The following DMXL1 variants were observed in gnomAD, a reference collection of about 807,000 sequenced individuals.
The protein encoded by DMXL1 is dmX-like protein 1.
In DMXL1, 99 loss-of-function variants were observed where a neutral mutation model predicts 319.2. That is an observed-to-expected ratio of 0.31 (90% CI 0.26 to 0.37). The LOEUF (loss-of-function observed/expected upper bound fraction) is 0.37, where lower values mean the gene tolerates loss of function less well. Ranked by LOEUF, DMXL1 falls within the 10% of genes least tolerant of loss-of-function variation. The pLI is 1.00. For missense variants in DMXL1, 3,745 were observed against 3,595.6 expected (o/e 1.04, Z -1.06); for synonymous variants, 1,385 against 1,235.2 (o/e 1.12, Z -2.54).
At chr5:119,188,274 T>G (rs964668766) in intron 28 of DMXL1, among the ~76,000 whole-genome samples, 2 of 151,988 alleles carry the variant, frequency 1.3e-5, no homozygotes, top group Non-Finnish European at 2.9e-5. Context: ...TTTAATAACA[T>G]AAAAACAAAA....
At chr5:119,102,092 T>G in intron 3 of DMXL1, 86 bp downstream of exon 3, 1 of 809,582 alleles carries the variant, frequency 1.2e-6, no homozygotes, top group South Asian at 1.6e-5. Context: ...ATTGAGTAAA[T>G]CGGTATTACT....
At position 119,238,932 on chromosome 5, in the gene DMXL1, C is replaced by T; in HGVS notation, c.8560-57C>T. 1.9e-6 allele frequency: 3 copies of T among 1,597,646 alleles called. No individual in the cohort carries two copies. The South Asian group carries it at 3.4e-5, about 18-fold the overall frequency. On this transcript the variant is annotated intron_variant, in intron 40 of 43. Transcript: ENST00000539542. ...GATCACTTTTCGAAGAATACATTTA[C>T]CTGGTTATGACATTTTTAGTGAGAG... is the stretch of plus-strand genomic sequence containing the variant.
chr5:119,088,479 G>C (rs1322709997), intron 1 of DMXL1, among the ~76,000 whole-genome samples: 2 of 152,132 alleles, frequency 1.3e-5, no homozygotes, highest in African/African-American at 4.8e-5. Context: ...GTAATTGTGA[G>C]TTTTGCCTTT....
intron 34 of DMXL1, among the ~76,000 whole-genome samples, chr5:119,209,654 C>T (rs1410896412): frequency 6.6e-6 from 1 of 152,124 alleles, no homozygotes; most frequent in African/African-American, 2.4e-5. Flanking sequence ...AGCCTTGCAT[C>T]ACATTCTTAC....
intron 32 of DMXL1, among the ~76,000 whole-genome samples, chr5:119,200,404 C>A (rs185458343): frequency 2.3e-4 from 35 of 152,168 alleles, no homozygotes; most frequent in Admixed American, 1.4e-3. Context: ...CCTTACTTCC[C>A]AGTTCTCTAT....
chr5:119,114,032 G>A (rs1288610501), intron 5 of DMXL1, among the ~76,000 whole-genome samples: 1 of 152,178 alleles, frequency 6.6e-6, no homozygotes, highest in East Asian at 1.9e-4. Flanking sequence ...AAGCTGGTAG[G>A]CTGAATTCCT....
At chr5:119,165,531 TCTC>T (rs1235474213) in intron 21 of DMXL1, among the ~76,000 whole-genome samples, 1 of 152,220 alleles carries the variant, frequency 6.6e-6, no homozygotes, top group Non-Finnish European at 1.5e-5. Context: ...CTTAAGAACT[TCTC>T]ATTATGCTCC....
At chr5:119,101,204 T>C (rs542461647) in intron 2 of DMXL1, among the ~76,000 whole-genome samples, 8 of 152,340 alleles carry the variant, frequency 5.3e-5, no homozygotes, top group Non-Finnish European at 1.0e-4. Flanking sequence ...ACAAGTGATA[T>C]CTATATCCTA....
At chr5:119,210,763 T>G (rs1381028234) in intron 34 of DMXL1, among the ~76,000 whole-genome samples, 1 of 146,930 alleles carries the variant, frequency 6.8e-6, no homozygotes, top group Non-Finnish European at 1.5e-5. Context: ...TTTCGTTTTT[T>G]TTTTTTTTTT....
Position 119,101,975 on chromosome 5 carries a change from C to T in DMXL1, c.254C>T (p.Pro85Leu), listed in dbSNP as rs1250008793. ...SYGNVISIFE[P>L]VNLPKQKKNL... ...GGAAATGTTATCTCCATTTTTGAAC[C>T]AGTTAACCTACCAAAACAAAAGAAA... Residue 85 changes from proline (P) to leucine (L), a missense_variant, in exon 3 of 44, where the codon CCA (proline) becomes CTA (leucine). Physicochemically the swap from Pro to Leu is moderately conservative, Grantham distance 98. Coordinates refer to ENST00000539542, the MANE Select transcript of DMXL1 (RefSeq NM_001290321.3). 6.2e-7 allele frequency: 1 copy of T among 1,604,518 alleles called. No individual in the cohort carries two copies. Among genetic ancestry groups the T allele is most frequent in the Non-Finnish European group, 8.5e-7 (1 of 1,175,830 alleles).
intron 19 of DMXL1, among the ~76,000 whole-genome samples, chr5:119,163,951 A>G (rs543194820): frequency 6.6e-6 from 1 of 152,162 alleles, no homozygotes; most frequent in East Asian, 1.9e-4. Context: ...ACCTCAAGTG[A>G]TCCACCCACC....
Position 119,113,614 on chromosome 5 carries a change from G to T in DMXL1, c.498-861G>T, listed in dbSNP as rs137912481. ...CCTACTTTTCCCACCTTTTCCTGCA[G>T]AAAGTAGAGAGAGTGGAGAGAAGGA... On this transcript the variant is annotated intron_variant, in intron 5 of 43. Coordinates refer to ENST00000539542, the MANE Select transcript of DMXL1 (RefSeq NM_001290321.3). 1.7e-3 allele frequency among the ~76,000 whole-genome samples: 266 copies of T among 152,282 alleles called. 6 individuals carry two copies. The South Asian group carries it at 0.031, about 18-fold the overall frequency.
chr5:119,233,723 C>T (rs551589483), intron 39 of DMXL1, among the ~76,000 whole-genome samples: 38 of 152,230 alleles, frequency 2.5e-4, no homozygotes, highest in Non-Finnish European at 4.9e-4. Flanking sequence ...ATATTACACA[C>T]TTTTTATTAT....
At chr5:119,224,056 C>G (rs1785107889) in intron 37 of DMXL1, among the ~76,000 whole-genome samples, 1 of 152,062 alleles carries the variant, frequency 6.6e-6, no homozygotes, top group South Asian at 2.1e-4. Flanking sequence ...CTTCTTTTCT[C>G]TGGCCTAGTC....
At chr5:119,233,070 C>T (rs977144899) in intron 38 of DMXL1, among the ~76,000 whole-genome samples, 1 of 151,588 alleles carries the variant, frequency 6.6e-6, no homozygotes, top group Non-Finnish European at 1.5e-5. Context: ...GTTAAGACAT[C>T]ATTGAGATAA....
At chr5:119,242,866 A>T (rs1789089581) in intron 42 of DMXL1, among the ~76,000 whole-genome samples, 1 of 152,248 alleles carries the variant, frequency 6.6e-6, no homozygotes, top group Non-Finnish European at 1.5e-5. Context: ...TAGTCTTTTC[A>T]ACAAATAATG....
intron 2 of DMXL1, among the ~76,000 whole-genome samples, chr5:119,099,325 C>G (rs1756718124): frequency 6.6e-6 from 1 of 152,124 alleles, no homozygotes; most frequent in African/African-American, 2.4e-5. Flanking sequence ...ATTCTCCTGC[C>G]TCAGCCTCCC....
intron 27 of DMXL1, 152 bp downstream of exon 27, chr5:119,177,636 G>C (rs919746265): frequency 1.2e-5 from 7 of 608,608 alleles, no homozygotes; most frequent in African/African-American, 9.4e-5. Context: ...CTGAATTACA[G>C]TTACTTAACA....
intron 35 of DMXL1, among the ~76,000 whole-genome samples, chr5:119,219,641 C>T (rs970220319): frequency 2.0e-5 from 3 of 152,036 alleles, no homozygotes; most frequent in Admixed American, 6.5e-5. Flanking sequence ...AATGTCAGCT[C>T]ACTGCAGCCT....
Sources: allele counts gnomAD v4.1 joint callset (sites outside exome capture counted in the v4.1 genomes callset), GRCh38; gene constraint gnomAD v4.1.1; transcripts MANE v1.5; gene names NCBI Gene and HGNC (gene_info 2026-07-23, HGNC 2026-07-21).